Variants in CPEB1 observed in about 807,000 individuals in gnomAD.
CPEB1 encodes the protein cytoplasmic polyadenylation element-binding protein 1.
CPEB1 carries 7 observed loss-of-function variants against 65.8 expected under a neutral mutation model. The observed-to-expected ratio is 0.11, with a 90% CI of 0.06 to 0.20. The LOEUF is 0.20. Ranked by LOEUF, CPEB1 falls within the 10% of genes least tolerant of loss-of-function variation. The probability of loss-of-function intolerance (pLI) is 1.00; values close to 1 mark genes in which losing one functional copy is unlikely to be tolerated. For synonymous variants in CPEB1, 262 were observed against 260.0 expected, an observed-to-expected ratio of 1.01 and a Z score of -0.08; for missense variants, 551 against 712.2, an observed-to-expected ratio of 0.77 and a Z score of 2.58.
In CPEB1 at chr15:82,544,667, G is replaced by C; in HGVS notation, c.1692C>G (p.His564Gln). The C allele has an allele frequency of 3.1e-6, 5 of 1,613,508 alleles. No individual in the cohort carries two copies. Among genetic ancestry groups the C allele is most frequent in the Non-Finnish European group, 4.2e-6 (5 of 1,179,862 alleles). ...CFKYFCRSCW[H>Q]WRHSMEGLRH... ...GCAGGCCCTCCATGCTGTGCCGCCA[G>C]TGCCAGCAGCTCCGGCAGAAGTATT... The change falls in exon 13 of 13, where the codon CAC (histidine) becomes CAG (glutamine). Residue 564 changes from histidine to glutamine, a missense_variant. Physicochemically the swap from His to Gln is conservative, Grantham distance 24. This residue lies in a region of CPEB1 where 98 missense variants were observed against 157.6 expected (regional missense o/e 0.62). Coordinates refer to ENST00000684509, the MANE Select transcript of CPEB1 (RefSeq NM_001365242.1).
intron 3 of CPEB1, among the ~76,000 whole-genome samples, chr15:82,601,810 C>T (rs1192678746): frequency 6.6e-6 from 1 of 150,990 alleles, no homozygotes. Context: ...GATCAATCTA[C>T]AAAGAAGATA....
At chr15:82,609,097 G>T (rs544161355) in intron 3 of CPEB1, among the ~76,000 whole-genome samples, 1 of 152,136 alleles carries the variant, frequency 6.6e-6, no homozygotes, top group Non-Finnish European at 1.5e-5. Flanking sequence ...TCAATGGATC[G>T]AAGAAGAAAT....
At chr15:82,547,939 G>T (rs970196469) in intron 10 of CPEB1, among the ~76,000 whole-genome samples, 5 of 152,184 alleles carry the variant, frequency 3.3e-5, no homozygotes, top group African/African-American at 1.2e-4. Flanking sequence ...CTCCCAAAGT[G>T]CCAGGATTAT....
Position 82,598,351 on chromosome 15 carries a change from G to A in CPEB1, c.272-26819C>T, listed in dbSNP as rs529800083. Among the ~76,000 whole-genome samples the A allele has an allele frequency of 1.4e-4, 21 of 151,958 alleles. No individual in the cohort carries two copies. In the South Asian group the frequency reaches 2.5e-3, roughly 18 times the overall value. On this transcript the variant is annotated intron_variant, in intron 3 of 12. Transcript: ENST00000684509. ...TCTACTAAAAATACAAAAATTACCC[G>A]GGCATGGTGGCGCACACCTGTAATC...
chr15:82,592,028 G>A (rs372111211), intron 3 of CPEB1, among the ~76,000 whole-genome samples: 83 of 151,338 alleles, frequency 5.5e-4, no homozygotes, highest in African/African-American at 2.0e-3. Context: ...ATTTTTTGTA[G>A]AGATAGGGTT....
At chr15:82,546,302 G>A in intron 12 of CPEB1, 139 bp downstream of exon 12, 3 of 679,268 alleles carry the variant, frequency 4.4e-6, no homozygotes, top group Non-Finnish European at 5.3e-6. Flanking sequence ...TAGAGACGGG[G>A]TTTCACCATG....
intron 1 of CPEB1, among the ~76,000 whole-genome samples, chr15:82,639,583 T>G (rs779213533): frequency 2.6e-5 from 4 of 152,176 alleles, no homozygotes; most frequent in African/African-American, 7.2e-5. Flanking sequence ...TTAATAGATG[T>G]GGATATATGT....
intron 1 of CPEB1, chr15:82,629,746 G>A (rs753437864): frequency 1.4e-5 from 14 of 985,366 alleles, no homozygotes; most frequent in Non-Finnish European, 1.6e-5. Context: ...TATCTCATAA[G>A]CTGGTCACAT....
At chr15:82,572,672 C>T (rs1273375589) in intron 3 of CPEB1, among the ~76,000 whole-genome samples, 1 of 152,178 alleles carries the variant, frequency 6.6e-6, no homozygotes, top group African/African-American at 2.4e-5. Context: ...ATTAGAAACA[C>T]CAAACTCTGA....
chr15:82,606,969 T>TA lies in CPEB1; in HGVS notation c.271+20223dup, dbSNP rs113244349. ...GTGACAGAGCAAGACTTTGTCTCTT[T>TA]AAAAAAAACAAGAAACATATATATA... On this transcript the variant is annotated intron_variant, in intron 3 of 12. Coordinates refer to ENST00000684509, the MANE Select transcript of CPEB1 (RefSeq NM_001365242.1). 5.5e-3 allele frequency among the ~76,000 whole-genome samples: 829 copies of TA among 151,230 alleles called. 12 individuals are homozygous for TA. The highest frequency in any genetic ancestry group is 0.017 in the Middle Eastern group (5 of 290).
chr15:82,615,601 C>A (rs144241451), intron 3 of CPEB1, among the ~76,000 whole-genome samples: 1 of 152,018 alleles, frequency 6.6e-6, no homozygotes, highest in Non-Finnish European at 1.5e-5. Context: ...ATATGCTACA[C>A]GTATTATTTT....
At chr15:82,594,674 G>A (rs867439076) in intron 3 of CPEB1, among the ~76,000 whole-genome samples, 1 of 152,190 alleles carries the variant, frequency 6.6e-6, no homozygotes, top group African/African-American at 2.4e-5. Context: ...TTTGGAACAA[G>A]AGGCCTAACT....
At chr15:82,592,068 T>A (rs2042297675) in intron 3 of CPEB1, among the ~76,000 whole-genome samples, 1 of 151,554 alleles carries the variant, frequency 6.6e-6, no homozygotes, top group African/African-American at 2.4e-5. Flanking sequence ...GGTCTCGAAC[T>A]CTGGCTCAAT....
In CPEB1 at chr15:82,544,355, A is replaced by G; in HGVS notation, c.*237T>C. ...CTGGGAAAACTACAGAGTCGCTTGG[A>G]GGGTAAGCCAGAGGGTCCTTGCCCT... is the stretch of plus-strand genomic sequence containing the variant. On this transcript the variant is annotated 3_prime_UTR_variant, in exon 13 of 13. Coordinates refer to ENST00000684509, the MANE Select transcript of CPEB1 (RefSeq NM_001365242.1). The G allele has an allele frequency of 2.8e-4, 52 of 189,088 alleles. No homozygotes were observed. The highest frequency in any genetic ancestry group is 6.8e-4 in the East Asian group (5 of 7,336). 11.7% of individuals were successfully genotyped at this position (189,088 alleles called of 1,614,324 possible).
intron 1 of CPEB1, among the ~76,000 whole-genome samples, chr15:82,630,522 C>T (rs2046150827): frequency 6.6e-6 from 1 of 152,026 alleles, no homozygotes; most frequent in Non-Finnish European, 1.5e-5. Context: ...AGGAGGAATG[C>T]TTGAACCCAG....
intron 3 of CPEB1, among the ~76,000 whole-genome samples, chr15:82,574,819 A>G (rs1005686833): frequency 1.3e-5 from 2 of 151,850 alleles, no homozygotes; most frequent in Admixed American, 6.6e-5. Context: ...AAATTAATAT[A>G]CAGATGTTCC....
chr15:82,581,112 A>T (rs539105622), intron 3 of CPEB1, among the ~76,000 whole-genome samples: 2 of 152,240 alleles, frequency 1.3e-5, no homozygotes, highest in Admixed American at 6.5e-5. Flanking sequence ...AAAGTGCTGG[A>T]ATTACAGGCA....
chr15:82,602,167 A>G (rs1488911923), intron 3 of CPEB1, among the ~76,000 whole-genome samples: 1 of 152,208 alleles, frequency 6.6e-6, no homozygotes, highest in African/African-American at 2.4e-5. Flanking sequence ...ATGTTCTATG[A>G]CCATAGTGGA....
intron 1 of CPEB1, among the ~76,000 whole-genome samples, chr15:82,631,982 C>CTTTTT (rs10656923): frequency 4.8e-5 from 6 of 125,014 alleles, no homozygotes; most frequent in African/African-American, 9.2e-5. Flanking sequence ...ATTTTTTTCT[C>CTTTTT]TTTTTTTTTT....
Sources: gnomAD v4.1 joint callset for allele counts (sites outside exome capture counted in the v4.1 genomes callset) on GRCh38, gnomAD v4.1.1 for gene constraint, gnomAD v4.1.1 regional missense constraint, MANE v1.5 for transcripts, NCBI Gene and HGNC (gene_info 2026-07-23, HGNC 2026-07-21) for gene names.